The following ADAM22 variants were observed in gnomAD, a reference collection of about 807,000 sequenced individuals.
ADAM22 encodes ADAM metallopeptidase domain 22.
Under a neutral mutation model 144.6 loss-of-function variants are expected in ADAM22, and 65 were observed. That is an observed-to-expected ratio of 0.45 (90% CI 0.37 to 0.55). The LOEUF (loss-of-function observed/expected upper bound fraction) is 0.55, where lower values mean the gene tolerates loss of function less well. ADAM22 is among the 20% of genes least tolerant of loss of function. ADAM22 has a pLI of 0.00. For missense variants in ADAM22, 974 were observed against 1,184.9 expected, an observed-to-expected ratio of 0.82 and a Z score of 2.61; for synonymous variants, 391 against 412.6, an observed-to-expected ratio of 0.95 and a Z score of 0.63.
rs2131147611 is a variant in ADAM22, at chr7:87,935,141, C to G, written c.201C>G (p.His67Gln). Residue 67 changes from histidine to glutamine, a missense_variant, in exon 2 of 32, where the codon CAC (histidine) becomes CAG (glutamine). By Grantham distance (24) the His-to-Gln change is conservative. Coordinates refer to ENST00000413139, the MANE Select transcript of ADAM22 (RefSeq NM_001324418.2). ...YRSGGEDESR[H>Q]DALDTRVRGD... Reference sequence around the variant, plus strand: ...CGGGCGGCGAAGACGAAAGTCGGCACGACGCGCTCGACACGCGGGTGCGGG... The same window carrying G: ...CGGGCGGCGAAGACGAAAGTCGGCAGGACGCGCTCGACACGCGGGTGCGGG... 5 of 1,612,930 alleles carry G rather than the reference C, an allele frequency of 3.1e-6. No homozygotes were observed. In the East Asian group the frequency reaches 1.1e-4, roughly 36 times the overall value.
At chr7:87,983,242 A>G (rs1455197756) in intron 3 of ADAM22, among the ~76,000 whole-genome samples, 1 of 152,138 alleles carries the variant, frequency 6.6e-6, no homozygotes, top group Non-Finnish European at 1.5e-5. Context: ...CACTAAACTT[A>G]TATTTTAATT....
intron 15 of ADAM22, 32 bp from the exon 16 acceptor site, chr7:88,145,093 T>C (rs373400693): frequency 7.5e-6 from 12 of 1,602,150 alleles, no homozygotes; most frequent in African/African-American, 4.0e-5. Flanking sequence ...GATTTTTCTA[T>C]ATTTTAGTTC....
chr7:87,952,211 T>C (rs1350516822), intron 2 of ADAM22, among the ~76,000 whole-genome samples: 1 of 151,864 alleles, frequency 6.6e-6, no homozygotes, highest in Non-Finnish European at 1.5e-5. Flanking sequence ...GGCATCCCTG[T>C]CTTGTGCCAG....
chr7:88,168,304 G>A, intron 25 of ADAM22, 77 bp downstream of exon 25: 1 of 1,413,454 alleles, frequency 7.1e-7, no homozygotes, highest in Middle Eastern at 1.8e-4. Flanking sequence ...CATCTAGAAA[G>A]TTTTGTATCA....
At chr7:88,025,990 T>TTG (rs1178192015) in intron 3 of ADAM22, among the ~76,000 whole-genome samples, 3 of 152,142 alleles carry the variant, frequency 2.0e-5, no homozygotes, top group Non-Finnish European at 4.4e-5. Context: ...TTTTCATTTT[T>TTG]TGTGTGTGTG....
intron 27 of ADAM22, 98 bp downstream of exon 27, chr7:88,179,227 A>G: frequency 3.8e-6 from 2 of 522,846 alleles, no homozygotes; most frequent in East Asian, 3.4e-5. Context: ...AGAACCACTC[A>G]TTATACAAAT....
intron 30 of ADAM22, 103 bp from the exon 31 acceptor site, chr7:88,193,013 A>G (rs2129541179): frequency 7.1e-7 from 1 of 1,403,070 alleles, no homozygotes; most frequent in Non-Finnish European, 9.8e-7. Flanking sequence ...GTAGTGGTAT[A>G]TGAAAGTTAG....
chr7:88,081,691 C>T (rs1361234649), intron 4 of ADAM22, among the ~76,000 whole-genome samples: 25 of 99,982 alleles, frequency 2.5e-4, no homozygotes, highest in African/African-American at 1.0e-3. Flanking sequence ...TTCTTATACA[C>T]CAATAACAGA....
At position 88,037,765 on chromosome 7, in the gene ADAM22, A is replaced by G. The variant is rs139928983; in HGVS notation, c.324-37861A>G. On this transcript the variant is annotated intron_variant, in intron 3 of 31. Transcript: ENST00000413139. ...TTTTGTACAATTATACCGGCTTTCT[A>G]TACCTTATACACACACTCACTTTCT... 5.5e-3 allele frequency among the ~76,000 whole-genome samples: 840 copies of G among 152,246 alleles called. 13 individuals carry two copies. Among genetic ancestry groups the G allele is most frequent in the African/African-American group, 0.019 (806 of 41,548 alleles).
At chr7:87,992,328 G>C (rs916192554) in intron 3 of ADAM22, among the ~76,000 whole-genome samples, 18 of 152,122 alleles carry the variant, frequency 1.2e-4, no homozygotes, top group Non-Finnish European at 1.5e-5. Flanking sequence ...AAGATGCTTT[G>C]TTTGGTTGGG....
At chr7:88,015,159 A>G (rs910270515) in intron 3 of ADAM22, among the ~76,000 whole-genome samples, 2 of 152,208 alleles carry the variant, frequency 1.3e-5, no homozygotes, top group Non-Finnish European at 2.9e-5. Flanking sequence ...TGAAGAAGAC[A>G]ATGAAAAGAA....
rs1850960301 is a variant in ADAM22 at position 88,199,137 on chromosome 7, A to ATTTCTCTTT, written c.*2646_*2647insTTTCTCTTT. 6.6e-6 allele frequency: 1 copy of ATTTCTCTTT among 152,354 alleles called. No individual in the cohort carries two copies. The highest frequency in any genetic ancestry group is 6.5e-5 in the Admixed American group (1 of 15,310). 9.4% of individuals were successfully genotyped at this position (152,354 alleles called of 1,614,324 possible). ...TTCATCCACCGAGGTAGGTAGCATTAAATATACAAGCACAGCATTATTTCT... is the reference window on the plus strand; with the variant it reads ...TTCATCCACCGAGGTAGGTAGCATTATTTCTCTTTAATATACAAGCACAGCATTATTTCT... On this transcript the variant is annotated 3_prime_UTR_variant, in exon 32 of 32. Coordinates refer to ENST00000413139, the MANE Select transcript of ADAM22 (RefSeq NM_001324418.2).
At chr7:88,015,173 T>C (rs948074884) in intron 3 of ADAM22, among the ~76,000 whole-genome samples, 1 of 152,200 alleles carries the variant, frequency 6.6e-6, no homozygotes, top group African/African-American at 2.4e-5. Context: ...AAAAGAACTT[T>C]AACAACCATT....
intron 30 of ADAM22, among the ~76,000 whole-genome samples, chr7:88,192,071 A>T (rs923871299): frequency 6.6e-6 from 1 of 152,186 alleles, no homozygotes; most frequent in African/African-American, 2.4e-5. Flanking sequence ...GTAGATCTTG[A>T]CCTACCTAGT....
intron 3 of ADAM22, among the ~76,000 whole-genome samples, chr7:88,047,055 G>T (rs1399931756): frequency 6.6e-6 from 1 of 152,002 alleles, no homozygotes; most frequent in Non-Finnish European, 1.5e-5. Flanking sequence ...TACCTCCTTG[G>T]GCTTGCCATT....
intron 4 of ADAM22, among the ~76,000 whole-genome samples, chr7:88,077,502 C>T (rs570721824): frequency 3.6e-4 from 55 of 152,132 alleles, no homozygotes; most frequent in Non-Finnish European, 7.5e-4. Context: ...GGGTGCAGGA[C>T]AATGGGTGCA....
At chr7:88,146,488 G>A (rs1267633001) in intron 17 of ADAM22, among the ~76,000 whole-genome samples, 1 of 152,168 alleles carries the variant, frequency 6.6e-6, no homozygotes, top group African/African-American at 2.4e-5. Flanking sequence ...TGTTGTAAGG[G>A]TATGTCTTGT....
At chr7:88,182,159 C>A in intron 29 of ADAM22, 135 bp downstream of exon 29, 1 of 763,036 alleles carries the variant, frequency 1.3e-6, no homozygotes, top group Non-Finnish European at 2.1e-6. Context: ...TTCTTTTTTG[C>A]CCTTTAAAAA....
At chr7:88,004,221 A>G (rs1323038511) in intron 3 of ADAM22, among the ~76,000 whole-genome samples, 1 of 152,222 alleles carries the variant, frequency 6.6e-6, no homozygotes, top group Non-Finnish European at 1.5e-5. Context: ...GCTCAGTGAC[A>G]AATGCCCACA....
Sources: gnomAD v4.1 joint callset for allele counts (sites outside exome capture counted in the v4.1 genomes callset) on GRCh38, gnomAD v4.1.1 for gene constraint, MANE v1.5 for transcripts, NCBI Gene and HGNC (gene_info 2026-07-23, HGNC 2026-07-21) for gene names.